MAST4: variants seen among roughly 807,000 people sequenced by gnomAD.
MAST4 encodes the protein microtubule-associated serine/threonine-protein kinase 4.
In MAST4, 89 loss-of-function variants were observed where a neutral mutation model predicts 162.7. That is an observed-to-expected ratio of 0.55 (90% confidence interval 0.46 to 0.65). The LOEUF (loss-of-function observed/expected upper bound fraction) is 0.65, where lower values mean the gene tolerates loss of function less well. Among genes scored for constraint, MAST4 ranks in the 30% least tolerant of loss-of-function variants. The probability of loss-of-function intolerance (pLI) is 0.00; values close to 1 mark genes in which losing one functional copy is unlikely to be tolerated. For synonymous variants in MAST4, 1,479 were observed against 1,361.1 expected (o/e 1.09, Z -1.91); for missense variants, 3,153 against 3,374.0 (o/e 0.93, Z 1.62).
chr5:67,018,219 G>A (rs1323880606), intron 4 of MAST4, among the ~76,000 whole-genome samples: 1 of 152,156 alleles, frequency 6.6e-6, no homozygotes, highest in African/African-American at 2.4e-5. Context: ...AAACTAAATT[G>A]TGTGGTCTAC....
Position 66,784,028 on chromosome 5 carries a change from G to A in MAST4, c.518-4642G>A, listed in dbSNP as rs187339902. On this transcript the variant is annotated intron_variant, in intron 2 of 28. Transcript: ENST00000403625. The stretch of plus-strand genomic sequence containing the variant: ...GCTTTGTTCTGCCCTCCCACTGGCA[G>A]GGAGCCTTTCCCAGTCCCTGTTGCC... Among the ~76,000 whole-genome samples, 414 of 152,186 alleles carry A rather than the reference G, an allele frequency of 2.7e-3. 3 individuals are homozygous for A. Among genetic ancestry groups the A allele is most frequent in the African/African-American group, 9.7e-3 (404 of 41,540 alleles).
At chr5:66,858,796 A>T (rs547430074) in intron 3 of MAST4, among the ~76,000 whole-genome samples, 1 of 152,168 alleles carries the variant, frequency 6.6e-6, no homozygotes, top group East Asian at 1.9e-4. Flanking sequence ...TGTATATGGT[A>T]TATGTTTCTG....
intron 1 of MAST4, among the ~76,000 whole-genome samples, chr5:66,686,292 C>A (rs142036608): frequency 6.6e-6 from 1 of 152,236 alleles, no homozygotes; most frequent in African/African-American, 2.4e-5. Context: ...GCACAGTAAT[C>A]TGTTTAACAA....
At chr5:66,652,710 G>A (rs1746306946) in intron 1 of MAST4, among the ~76,000 whole-genome samples, 1 of 151,986 alleles carries the variant, frequency 6.6e-6, no homozygotes, top group Non-Finnish European at 1.5e-5. Context: ...GAATTCATTT[G>A]CCTAAATGTT....
At chr5:66,974,722 TGAGTA>T (rs1747907527) in intron 4 of MAST4, among the ~76,000 whole-genome samples, 1 of 152,200 alleles carries the variant, frequency 6.6e-6, no homozygotes, top group Non-Finnish European at 1.5e-5. Context: ...CACTAAAAAT[TGAGTA>T]GAGTAAGGGT....
chr5:66,733,387 A>G (rs1450640329), intron 1 of MAST4, among the ~76,000 whole-genome samples: 2 of 152,030 alleles, frequency 1.3e-5, no homozygotes, highest in Non-Finnish European at 2.9e-5. Flanking sequence ...CAGATAGATA[A>G]TTTACCAATT....
At chr5:67,018,306 G>A (rs1426624356) in intron 4 of MAST4, among the ~76,000 whole-genome samples, 1 of 152,066 alleles carries the variant, frequency 6.6e-6, no homozygotes, top group Non-Finnish European at 1.5e-5. Flanking sequence ...GAGGCAGGAG[G>A]GTCATTTGAG....
chr5:66,921,631 C>T (rs71626478), intron 4 of MAST4, among the ~76,000 whole-genome samples: 1,807 of 152,028 alleles, frequency 0.012, 30 homozygotes, highest in South Asian at 0.053. Flanking sequence ...TGGTGGCGCA[C>T]GCCTGTAATC....
intron 1 of MAST4, among the ~76,000 whole-genome samples, chr5:66,629,287 G>A (rs1004754571): frequency 2.0e-5 from 3 of 152,140 alleles, no homozygotes; most frequent in Non-Finnish European, 4.4e-5. Flanking sequence ...GCAAATTCTG[G>A]TTTTGACACT....
intron 4 of MAST4, among the ~76,000 whole-genome samples, chr5:66,905,465 CTTATT>C (rs1277038786): frequency 6.6e-6 from 1 of 152,060 alleles, no homozygotes; most frequent in Non-Finnish European, 1.5e-5. Flanking sequence ...AAAGGTTTTG[CTTATT>C]TTAATTAACT....
At chr5:67,115,461 T>C (rs778379969) in intron 12 of MAST4, among the ~76,000 whole-genome samples, 3 of 152,242 alleles carry the variant, frequency 2.0e-5, no homozygotes, top group Non-Finnish European at 2.9e-5. Context: ...GTATCTTTGC[T>C]TCCAGTGAAA....
In MAST4 at chr5:67,114,098, G is replaced by A. The variant is rs373863256; in HGVS notation, c.1470G>A (p.Pro490=). 3.5e-5 allele frequency: 57 copies of A among 1,613,436 alleles called. No homozygotes were observed. The highest frequency in any genetic ancestry group is 2.3e-4 in the African/African-American group (17 of 74,850). Residue 490 remains proline, a synonymous_variant, in exon 12 of 29, where the codon CCG becomes CCA. Transcript: ENST00000403625. The part of the protein sequence containing the change: ...ARLLECLEFD[P]EEFYYLLEAA... ...TTGTCTTCGGCTAGGAATTTGATCCGGAAGAATTTTACTACCTATTGGAAG... is the reference window on the plus strand; with the variant it reads ...TTGTCTTCGGCTAGGAATTTGATCCAGAAGAATTTTACTACCTATTGGAAG...
intron 2 of MAST4, among the ~76,000 whole-genome samples, chr5:66,786,272 G>GTT (rs540263638): frequency 1.9e-4 from 28 of 144,360 alleles, no homozygotes; most frequent in African/African-American, 5.8e-4. Context: ...ATTCTCCCAA[G>GTT]TTTTTTTTTT....
At chr5:66,872,400 C>A (rs891795499) in intron 3 of MAST4, among the ~76,000 whole-genome samples, 2 of 152,136 alleles carry the variant, frequency 1.3e-5, no homozygotes, top group African/African-American at 4.8e-5. Context: ...AAACTCCTGA[C>A]CTCAGGTGAT....
intron 17 of MAST4, among the ~76,000 whole-genome samples, chr5:67,134,212 G>A (rs2151004482): frequency 6.6e-6 from 1 of 152,080 alleles, no homozygotes; most frequent in South Asian, 2.1e-4. Context: ...TTAAATTTAA[G>A]GATTATAAGT....
At chr5:66,950,262 G>A (rs151029185) in intron 4 of MAST4, among the ~76,000 whole-genome samples, 3 of 151,182 alleles carry the variant, frequency 2.0e-5, no homozygotes, top group Non-Finnish European at 4.4e-5. Flanking sequence ...TTAGTTGTGG[G>A]GAATATACCT....
Position 66,706,645 on chromosome 5 carries a change from C to T in MAST4, c.364-53064C>T, listed in dbSNP as rs535262922. Among the ~76,000 whole-genome samples the T allele has an allele frequency of 7.3e-5, 11 of 151,208 alleles. No individual in the cohort carries two copies. In the South Asian group the frequency reaches 2.3e-3, roughly 32 times the overall value. On this transcript the variant is annotated intron_variant, in intron 1 of 28. Transcript: ENST00000403625. The stretch of plus-strand genomic sequence containing the variant: ...TTTGTTGAAGTGATCAGGTAAAACC[C>T]TCAAACTAATGATTCATAAACATTC...
chr5:67,004,479 G>C (rs1274633467), intron 4 of MAST4: 1 of 153,620 alleles, frequency 6.5e-6, no homozygotes, highest in Middle Eastern at 3.4e-3. Context: ...TCTTTTCCTT[G>C]TATGTAGATA....
intron 3 of MAST4, among the ~76,000 whole-genome samples, chr5:66,813,155 A>G (rs1395164415): frequency 6.6e-6 from 1 of 152,206 alleles, no homozygotes; most frequent in Non-Finnish European, 1.5e-5. Context: ...TGCTCAATAT[A>G]TAGTTATTAA....
Sources: allele counts gnomAD v4.1 joint callset (sites outside exome capture counted in the v4.1 genomes callset), GRCh38; gene constraint gnomAD v4.1.1; transcripts MANE v1.5; gene names NCBI Gene and HGNC (gene_info 2026-07-23, HGNC 2026-07-21).